Variants in PCDHGB2 observed in about 807,000 individuals in gnomAD.
PCDHGB2 encodes protocadherin gamma-B2.
A neutral mutation model predicts 59.3 loss-of-function variants in PCDHGB2; 55 were observed. That is an observed-to-expected ratio of 0.93 (90% CI 0.75 to 1.16). The LOEUF (loss-of-function observed/expected upper bound fraction) is 1.16. Among genes scored for constraint, PCDHGB2 ranks in the 50% most tolerant of loss-of-function variants. PCDHGB2 has a pLI of 0.00. For missense variants in PCDHGB2, 1,228 were observed against 1,198.5 expected, an observed-to-expected ratio of 1.02 and a Z score of -0.36; for synonymous variants, 516 against 512.0, an observed-to-expected ratio of 1.01 and a Z score of -0.11.
intron 1 of PCDHGB2, chr5:141,376,308 G>T (rs766557828): frequency 6.2e-7 from 1 of 1,614,208 alleles, no homozygotes; most frequent in South Asian, 1.1e-5. Context: ...CACTTTGTGG[G>T]CGTGGAAGGG....
intron 1 of PCDHGB2, chr5:141,422,638 T>G (rs1412270971): frequency 6.2e-7 from 1 of 1,612,392 alleles, no homozygotes. Context: ...CAGGGGTGCC[T>G]CCATCTTCTC....
At chr5:141,384,845 A>G (rs866832912) in intron 1 of PCDHGB2, 1 of 1,613,546 alleles carries the variant, frequency 6.2e-7, no homozygotes. Flanking sequence ...GTCCAGGACC[A>G]CGGTCAGCCT....
rs373591066 is a variant in PCDHGB2, at chr5:141,404,487, G to A, written c.2421+41931G>A. On this transcript the variant is annotated intron_variant, in intron 1 of 3. Transcript: ENST00000522605. The stretch of plus-strand genomic sequence containing the variant: ...TATGTCTCTATTAACTCAGACACTG[G>A]TGTGCTGTATGCTCTGTGCTCCTTT... 6.8e-6 allele frequency: 11 copies of A among 1,613,722 alleles called. No homozygotes were observed. Among genetic ancestry groups the A allele is most frequent in the Admixed American group, 1.7e-5 (1 of 60,008 alleles).
chr5:141,407,589 C>G (rs1305349867), intron 1 of PCDHGB2, among the ~76,000 whole-genome samples: 1 of 151,660 alleles, frequency 6.6e-6, no homozygotes, highest in Non-Finnish European at 1.5e-5. Context: ...ACCTTAATGT[C>G]TCATCTTAAA....
At chr5:141,419,658 A>T in intron 1 of PCDHGB2, 2 of 1,612,782 alleles carry the variant, frequency 1.2e-6, no homozygotes, top group Non-Finnish European at 1.7e-6. Flanking sequence ...GACTCGGGGC[A>T]CAATGCCTGG....
At chr5:141,406,531 C>T (rs1303471087) in intron 1 of PCDHGB2, among the ~76,000 whole-genome samples, 1 of 152,102 alleles carries the variant, frequency 6.6e-6, no homozygotes, top group African/African-American at 2.4e-5. Flanking sequence ...TATTTTCTGA[C>T]GAAGATTCAA....
chr5:141,457,481 G>T (rs990111430), intron 1 of PCDHGB2, among the ~76,000 whole-genome samples: 1 of 152,212 alleles, frequency 6.6e-6, no homozygotes, highest in African/African-American at 2.4e-5. Context: ...CAGGGCCAGG[G>T]TTAGTCTAAA....
intron 1 of PCDHGB2, chr5:141,408,761 G>A (rs1469424988): frequency 8.7e-6 from 14 of 1,610,446 alleles, no homozygotes; most frequent in Non-Finnish European, 1.2e-5. Flanking sequence ...AGTTAATTCC[G>A]ATGGTGGCAA....
intron 1 of PCDHGB2, chr5:141,413,943 T>A: frequency 1.2e-6 from 2 of 1,613,420 alleles, no homozygotes; most frequent in Non-Finnish European, 1.7e-6. Context: ...TGAGTGTTCC[T>A]GAGAATTTGC....
At chr5:141,412,145 C>T (rs1335929166) in intron 1 of PCDHGB2, 1 of 152,210 alleles carries the variant, frequency 6.6e-6, no homozygotes, top group East Asian at 1.9e-4. Context: ...CTGATACAAA[C>T]TGCCTAAGAG....
At chr5:141,451,154 TTTTTGGTAGTATA>T (rs2098709149) in intron 1 of PCDHGB2, among the ~76,000 whole-genome samples, 1 of 152,152 alleles carries the variant, frequency 6.6e-6, no homozygotes, top group Non-Finnish European at 1.5e-5. Flanking sequence ...ACTAGACATT[TTTTTGGTAGTATA>T]TTATTTAGCC....
intron 1 of PCDHGB2, among the ~76,000 whole-genome samples, chr5:141,380,852 C>T (rs1429709070): frequency 1.3e-5 from 2 of 152,300 alleles, no homozygotes; most frequent in African/African-American, 4.8e-5. Flanking sequence ...TGGATCAAGA[C>T]ATTGAGAGCT....
chr5:141,384,787 C>T (rs761655907), intron 1 of PCDHGB2: 32 of 1,613,552 alleles, frequency 2.0e-5, no homozygotes, highest in Non-Finnish European at 2.4e-5. Flanking sequence ...GCGCACGGCT[C>T]GGGCCCTGCT....
At chr5:141,438,631 TATATACACAC>T (rs1330021858) in intron 1 of PCDHGB2, among the ~76,000 whole-genome samples, 2,835 of 42,824 alleles carry the variant, frequency 0.066, 23 homozygotes, top group African/African-American at 0.13. Flanking sequence ...TATATATATA[TATATACACAC>T]ACACACACAC....
At chr5:141,364,892 G>A in intron 1 of PCDHGB2, 1 of 1,613,984 alleles carries the variant, frequency 6.2e-7, no homozygotes, top group South Asian at 1.1e-5. Flanking sequence ...CGGAACTGAT[G>A]GACAAAAGTA....
chr5:141,465,021 C>A (rs974818222), intron 1 of PCDHGB2, among the ~76,000 whole-genome samples: 1 of 152,100 alleles, frequency 6.6e-6, no homozygotes, highest in Non-Finnish European at 1.5e-5. Flanking sequence ...AGATTACAGC[C>A]ATGAACCACC....
rs776349562 is a variant in PCDHGB2 at position 141,491,131 on chromosome 5, G to T, written c.2422-3676G>T. The T allele has an allele frequency of 6.2e-7, 1 of 1,614,182 alleles. No individual in the cohort carries two copies. Among genetic ancestry groups the T allele is most frequent in the Non-Finnish European group, 8.5e-7 (1 of 1,180,008 alleles). On this transcript the variant is annotated intron_variant, in intron 1 of 3. Coordinates refer to ENST00000522605, the MANE Select transcript of PCDHGB2 (RefSeq NM_018923.3). This position sits in a 1 kb window ranked among gnomAD's most constrained non-coding sequence, Gnocchi z 6.9. ...TACACACACTGGTGAGGTGCGCACA[G>T]CCCGGGCCTTACTGGAGGATGACTC...
At chr5:141,368,352 CAT>C (rs965270733) in intron 1 of PCDHGB2, among the ~76,000 whole-genome samples, 1 of 152,006 alleles carries the variant, frequency 6.6e-6, no homozygotes, top group East Asian at 1.9e-4. Context: ...TATACACACA[CAT>C]ATATATACAC....
chr5:141,442,650 G>A (rs192694987), intron 1 of PCDHGB2, among the ~76,000 whole-genome samples: 83 of 152,350 alleles, frequency 5.4e-4, no homozygotes, highest in Admixed American at 9.1e-4. Flanking sequence ...CCTAAGATGA[G>A]AAATATTTGG....
Sources: allele counts gnomAD v4.1 joint callset (sites outside exome capture counted in the v4.1 genomes callset), GRCh38; gene constraint gnomAD v4.1.1; non-coding constraint Gnocchi (gnomAD v3.1); transcripts MANE v1.5; gene names NCBI Gene and HGNC (gene_info 2026-07-23, HGNC 2026-07-21).